The following ZC2HC1B variants were observed in gnomAD, a reference collection of about 807,000 sequenced individuals.
ZC2HC1B encodes the protein zinc finger C2HC domain-containing protein 1B.
Under a neutral mutation model 31.0 loss-of-function variants are expected in ZC2HC1B, and 36 were observed. That is an observed-to-expected ratio of 1.16 (90% confidence interval 0.89 to 1.54). ZC2HC1B has a LOEUF of 1.54. Among genes scored for constraint, ZC2HC1B ranks in the 40% most tolerant of loss-of-function variants. The pLI, the probability that ZC2HC1B is intolerant of heterozygous loss-of-function variation, is 0.00. For missense variants in ZC2HC1B, 260 were observed against 268.6 expected (o/e 0.97, Z 0.22); for synonymous variants, 73 against 88.0 (o/e 0.83, Z 0.95).
chr6:143,888,931 G>A (rs775496203), intron 4 of ZC2HC1B, among the ~76,000 whole-genome samples: 19 of 151,678 alleles, frequency 1.3e-4, no homozygotes, highest in Non-Finnish European at 1.6e-4. Flanking sequence ...GTACTATATC[G>A]AATAGGAGTG....
chr6:143,884,231 C>A lies in ZC2HC1B; in HGVS notation c.29-73C>A. 7.2e-7 allele frequency: 1 copy of A among 1,392,558 alleles called. No homozygotes were observed. The highest frequency in any genetic ancestry group is 9.8e-7 in the Non-Finnish European group (1 of 1,020,676). 86.3% of individuals were successfully genotyped at this position (1,392,558 alleles called of 1,614,324 possible). A position where few individuals can be genotyped will look rare whatever the true frequency, so the allele number is the denominator to read the frequency against. On this transcript the variant is annotated intron_variant, in intron 1 of 7. Transcript: ENST00000237275. The surrounding 1 kb of genome is among the most constrained non-coding windows in gnomAD (Gnocchi z 5.1). The stretch of plus-strand genomic sequence containing the variant: ...GAGGATATCAAGCTATTGAGGTCAC[C>A]TCCAGTCAGTCATTTCTTCTCAGCG...
chr6:143,937,757 A>T (rs1337945334), intron 7 of ZC2HC1B, 24 bp downstream of exon 7: 10 of 1,505,522 alleles, frequency 6.6e-6, no homozygotes, highest in African/African-American at 1.4e-5. Flanking sequence ...ATCACCGCTA[A>T]TCCAGCTGTT....
At chr6:143,879,858 G>T (rs1481588247) in intron 1 of ZC2HC1B, among the ~76,000 whole-genome samples, 1 of 127,100 alleles carries the variant, frequency 7.9e-6, no homozygotes, top group African/African-American at 3.0e-5. Flanking sequence ...TTGAGACAGG[G>T]TCTAGCTCTG....
intron 6 of ZC2HC1B, among the ~76,000 whole-genome samples, chr6:143,927,067 G>A (rs957115866): frequency 6.6e-6 from 1 of 151,536 alleles, no homozygotes; most frequent in Non-Finnish European, 1.5e-5. Context: ...CAAAGTGCTG[G>A]GATTACAGGC....
intron 5 of ZC2HC1B, among the ~76,000 whole-genome samples, chr6:143,900,001 C>A (rs1003317889): frequency 4.6e-5 from 7 of 152,110 alleles, no homozygotes; most frequent in Non-Finnish European, 7.4e-5. Flanking sequence ...GTTCACCAGC[C>A]TAGAGTTGGG....
At chr6:143,867,933 G>C (rs904011848) in intron 1 of ZC2HC1B, among the ~76,000 whole-genome samples, 1 of 152,196 alleles carries the variant, frequency 6.6e-6, no homozygotes, top group African/African-American at 2.4e-5. Context: ...AGTAATTCAT[G>C]AAATGGGGTA....
chr6:143,906,125 T>A (rs2128495539), intron 6 of ZC2HC1B, among the ~76,000 whole-genome samples: 1 of 152,360 alleles, frequency 6.6e-6, no homozygotes, highest in Non-Finnish European at 1.5e-5. Context: ...TTTCTTTAAA[T>A]GTTTGGTGGA....
At chr6:143,879,814 G>T (rs1339959960) in intron 1 of ZC2HC1B, among the ~76,000 whole-genome samples, 1 of 127,926 alleles carries the variant, frequency 7.8e-6, no homozygotes, top group Non-Finnish European at 1.7e-5. Flanking sequence ...TCCTGCTCAA[G>T]TTGTCCCTGA....
chr6:143,869,384 T>TATCAATCCA lies in ZC2HC1B; in HGVS notation c.28+4819_28+4827dup, dbSNP rs1211515805. On this transcript the variant is annotated intron_variant, in intron 1 of 7. Coordinates refer to ENST00000237275, the MANE Select transcript of ZC2HC1B (RefSeq NM_001013623.3). The surrounding 1 kb of genome is among the most constrained non-coding windows in gnomAD (Gnocchi z 5.2). ...ACTTCAAAAGGCCATCCCACCGTTA[T>TATCAATCCA]ATCAATCCAACTGCTTCAGGATGAT... is the stretch of plus-strand genomic sequence containing the variant. 6.6e-6 allele frequency among the ~76,000 whole-genome samples: 1 copy of TATCAATCCA among 152,240 alleles called. No individual in the cohort carries two copies. The highest frequency in any genetic ancestry group is 1.5e-5 in the Non-Finnish European group (1 of 68,036).
intron 4 of ZC2HC1B, among the ~76,000 whole-genome samples, chr6:143,889,957 T>C (rs1003966956): frequency 9.9e-5 from 15 of 152,124 alleles, no homozygotes; most frequent in African/African-American, 3.1e-4. Context: ...ATACATAATA[T>C]GTTCTCTGAT....
intron 6 of ZC2HC1B, among the ~76,000 whole-genome samples, chr6:143,935,513 C>CT (rs954927318): frequency 6.0e-5 from 9 of 150,622 alleles, no homozygotes; most frequent in East Asian, 2.0e-4. Flanking sequence ...TCATAAGGGT[C>CT]TTTTTTTTTC....
chr6:143,894,611 G>A (rs752021556), intron 4 of ZC2HC1B, among the ~76,000 whole-genome samples: 3 of 152,264 alleles, frequency 2.0e-5, no homozygotes, highest in Admixed American at 6.5e-5. Flanking sequence ...CTTTTATTGA[G>A]TGCTAATGAA....
chr6:143,895,054 T>C lies in ZC2HC1B; in HGVS notation c.350-3498T>C, dbSNP rs1315358384. 1.3e-5 allele frequency among the ~76,000 whole-genome samples: 2 copies of C among 152,238 alleles called. No homozygotes were observed. Among genetic ancestry groups the C allele is most frequent in the African/African-American group, 2.4e-5 (1 of 41,464 alleles). ...TTTTATGCAACAAACCAAATGATTA[T>C]ATGCACTCCCAACATTTTCACCACG... On this transcript the variant is annotated intron_variant, in intron 4 of 7. Transcript: ENST00000237275. The surrounding 1 kb of genome is among the most constrained non-coding windows in gnomAD (Gnocchi z 4.8).
In ZC2HC1B at chr6:143,874,335, A is replaced by G. The variant is rs570858907; in HGVS notation, c.28+9768A>G. Among the ~76,000 whole-genome samples, 252 of 151,986 alleles carry G rather than the reference A, an allele frequency of 1.7e-3. 1 individual carries two copies. The highest frequency in any genetic ancestry group is 5.7e-3 in the African/African-American group (236 of 41,448). On this transcript the variant is annotated intron_variant, in intron 1 of 7. Coordinates refer to ENST00000237275, the MANE Select transcript of ZC2HC1B (RefSeq NM_001013623.3). ...TCTTGGAGGTTCCAAGCTTTCCCAC[A>G]TTTTCCTGTCTTCTTCTGAGCCCTC...
rs890706692 is a variant in ZC2HC1B, at chr6:143,875,963, G to T, written c.29-8341G>T. On this transcript the variant is annotated intron_variant, in intron 1 of 7. Coordinates refer to ENST00000237275, the MANE Select transcript of ZC2HC1B (RefSeq NM_001013623.3). The stretch of plus-strand genomic sequence containing the variant: ...AGAGTTTACAAACTCAGTGTCCCCA[G>T]CTTCATCAGGGTCTTCCCATATGTC... Among the ~76,000 whole-genome samples, 2 of 150,700 alleles carry T rather than the reference G, an allele frequency of 1.3e-5. 1 individual carries two copies. Among genetic ancestry groups the T allele is most frequent in the African/African-American group, 4.9e-5 (2 of 40,814 alleles).
Position 143,886,730 on chromosome 6 carries a change from T to C in ZC2HC1B, c.258T>C (p.Phe86=). 1.3e-6 allele frequency: 2 copies of C among 1,548,072 alleles called. No homozygotes were observed. Among genetic ancestry groups the C allele is most frequent in the South Asian group, 2.4e-5 (2 of 83,508 alleles). ...KSNWRQQHED[F]INAIRSAKQC... ...ACTGGAGACAACAACATGAAGACTT[T>C]ATTAATGCAATCCGATCAGCAAAGC... Residue 86 remains phenylalanine, a synonymous_variant, in exon 4 of 8, where the codon TTT becomes TTC. Transcript: ENST00000237275. This position sits in a 1 kb window ranked among gnomAD's most constrained non-coding sequence, Gnocchi z 4.2.
chr6:143,936,916 A>T (rs1435608330), intron 6 of ZC2HC1B, among the ~76,000 whole-genome samples: 1 of 152,248 alleles, frequency 6.6e-6, no homozygotes, highest in Non-Finnish European at 1.5e-5. Context: ...TAAAACTAAC[A>T]CTGAAAGCTC....
intron 1 of ZC2HC1B, among the ~76,000 whole-genome samples, chr6:143,882,331 T>A (rs9496795): frequency 0.078 from 7,416 of 95,662 alleles, 447 homozygotes; most frequent in African/African-American, 0.13. Context: ...TATTTTATAT[T>A]TTTTATATAT....
chr6:143,925,170 T>TTC (rs1308138741), intron 6 of ZC2HC1B, among the ~76,000 whole-genome samples: 20 of 59,152 alleles, frequency 3.4e-4, no homozygotes, highest in African/African-American at 1.4e-3. Flanking sequence ...CATTCCTTTT[T>TTC]TTTTTTTTTT....
Sources: gnomAD v4.1 joint callset for allele counts (sites outside exome capture counted in the v4.1 genomes callset) on GRCh38, gnomAD v4.1.1 for gene constraint, Gnocchi (gnomAD v3.1) non-coding constraint, MANE v1.5 for transcripts, NCBI Gene and HGNC (gene_info 2026-07-23, HGNC 2026-07-21) for gene names.